The following TMEM132D variants were observed in gnomAD, a reference collection of about 807,000 sequenced individuals.
TMEM132D encodes mature OL transmembrane protein.
Under a neutral mutation model 62.3 loss-of-function variants are expected in TMEM132D, and 21 were observed. The ratio of observed to expected loss-of-function variants is 0.34; its 90% CI spans 0.24 to 0.49. TMEM132D has a LOEUF of 0.49. Ranked by LOEUF, TMEM132D falls within the 20% of genes least tolerant of loss-of-function variation. TMEM132D has a pLI of 0.99. For missense variants in TMEM132D, 1,346 were observed against 1,402.8 expected (o/e 0.96, Z 0.65); for synonymous variants, 621 against 575.6 (o/e 1.08, Z -1.13).
chr12:129,322,360 C>G (rs1235374956), intron 4 of TMEM132D, among the ~76,000 whole-genome samples: 5 of 152,238 alleles, frequency 3.3e-5, no homozygotes, highest in Admixed American at 3.3e-4. Context: ...TTCCACCAGC[C>G]TTAATTTTCT....
chr12:129,533,855 T>A (rs766340676), intron 2 of TMEM132D, among the ~76,000 whole-genome samples: 4 of 152,248 alleles, frequency 2.6e-5, no homozygotes, highest in Non-Finnish European at 5.9e-5. Flanking sequence ...GGGCATGTTT[T>A]AGATGTTCAG....
At chr12:129,790,274 G>C (rs1871366735) in intron 1 of TMEM132D, among the ~76,000 whole-genome samples, 1 of 152,216 alleles carries the variant, frequency 6.6e-6, no homozygotes, top group Admixed American at 6.5e-5. Flanking sequence ...GATGGCTTAA[G>C]TGTTAACAGC....
chr12:129,590,922 C>A (rs1004280671), intron 2 of TMEM132D, among the ~76,000 whole-genome samples: 3 of 152,178 alleles, frequency 2.0e-5, no homozygotes, highest in Non-Finnish European at 4.4e-5. Flanking sequence ...CAGCATCTGA[C>A]TTCATCTATG....
At chr12:129,343,299 C>T (rs970278234) in intron 3 of TMEM132D, among the ~76,000 whole-genome samples, 3 of 152,082 alleles carry the variant, frequency 2.0e-5, no homozygotes, top group Non-Finnish European at 2.9e-5. Flanking sequence ...AGCTGGAAAC[C>T]ATCATTCTCA....
At chr12:129,086,211 T>C (rs964262339) in intron 5 of TMEM132D, among the ~76,000 whole-genome samples, 8 of 152,088 alleles carry the variant, frequency 5.3e-5, no homozygotes, top group East Asian at 1.9e-4. Context: ...CGTGTGTGTG[T>C]GTGTGTGTGT....
chr12:129,560,346 C>A (rs1461061965), intron 2 of TMEM132D, among the ~76,000 whole-genome samples: 2 of 151,682 alleles, frequency 1.3e-5, no homozygotes, highest in East Asian at 3.9e-4. Flanking sequence ...CTCGGCTCAC[C>A]ACAACCTCCA....
intron 1 of TMEM132D, among the ~76,000 whole-genome samples, chr12:129,795,480 A>G (rs1186533725): frequency 6.6e-6 from 1 of 152,242 alleles, no homozygotes; most frequent in Non-Finnish European, 1.5e-5. Context: ...GACTCTGACA[A>G]AACAGTATTT....
intron 4 of TMEM132D, chr12:129,262,680 G>A (rs1046566845): frequency 1.3e-5 from 2 of 152,220 alleles, no homozygotes; most frequent in African/African-American, 2.4e-5. Context: ...CAAGTAAGAT[G>A]AGACTGTCTC....
chr12:129,460,913 A>G (rs1309003865), intron 3 of TMEM132D, among the ~76,000 whole-genome samples: 3 of 152,186 alleles, frequency 2.0e-5, no homozygotes, highest in Admixed American at 6.5e-5. Flanking sequence ...GAGACAGAGA[A>G]GCCAAAGTGC....
intron 3 of TMEM132D, among the ~76,000 whole-genome samples, chr12:129,341,645 T>C (rs897912167): frequency 6.6e-6 from 1 of 152,120 alleles, no homozygotes; most frequent in African/African-American, 2.4e-5. Flanking sequence ...GACTTGGGAG[T>C]GTCCAGATAT....
In TMEM132D at chr12:129,620,613, C is replaced by T. The variant is rs546738255; in HGVS notation, c.968+79197G>A. On this transcript the variant is annotated intron_variant, in intron 2 of 8. Transcript: ENST00000422113. ...GACCCTGTCTAAAGAAAATGTGGTACATATACACCATGGAATACTATGCAG... is the reference window on the plus strand; with the variant it reads ...GACCCTGTCTAAAGAAAATGTGGTATATATACACCATGGAATACTATGCAG... Among the ~76,000 whole-genome samples the T allele has an allele frequency of 1.3e-3, 194 of 152,208 alleles. 1 individual carries two copies. The highest frequency in any genetic ancestry group is 4.4e-3 in the African/African-American group (181 of 41,536).
At chr12:129,220,583 G>A (rs1334170210) in intron 4 of TMEM132D, among the ~76,000 whole-genome samples, 2 of 152,198 alleles carry the variant, frequency 1.3e-5, no homozygotes, top group Non-Finnish European at 1.5e-5. Context: ...CCATGGCCTC[G>A]TGTTCTCCTG....
At chr12:129,451,990 A>G (rs76985061) in intron 3 of TMEM132D, among the ~76,000 whole-genome samples, 10,338 of 152,252 alleles carry the variant, frequency 0.068, 1,128 homozygotes, top group African/African-American at 0.24. Flanking sequence ...CCATAGAGAC[A>G]TAAAGCCCAG....
chr12:129,502,497 A>G (rs1466577156), intron 3 of TMEM132D, among the ~76,000 whole-genome samples: 2 of 152,120 alleles, frequency 1.3e-5, no homozygotes, highest in African/African-American at 2.4e-5. Context: ...ACTCATGTAC[A>G]TGAAAAGTCT....
At chr12:129,810,785 A>G (rs1872149682) in intron 1 of TMEM132D, among the ~76,000 whole-genome samples, 1 of 152,226 alleles carries the variant, frequency 6.6e-6, no homozygotes, top group Non-Finnish European at 1.5e-5. Context: ...AAGAAAAAAC[A>G]TAATCTTGAA....
chr12:129,530,592 C>A (rs566795000), intron 3 of TMEM132D, among the ~76,000 whole-genome samples: 2 of 152,210 alleles, frequency 1.3e-5, no homozygotes, highest in Admixed American at 6.5e-5. Context: ...ACTGTACCAT[C>A]AGAAAATGCC....
rs117283592 is a variant in TMEM132D at position 129,849,212 on chromosome 12, T to C, written c.79+54049A>G. ...TCAGTAGTGGTCTAGTCATGTTTAA[T>C]CAATTTTCATTTCCCAAACCCAAGT... is the stretch of plus-strand genomic sequence containing the variant. On this transcript the variant is annotated intron_variant, in intron 1 of 8. Coordinates refer to ENST00000422113, the MANE Select transcript of TMEM132D (RefSeq NM_133448.3). Among the ~76,000 whole-genome samples the C allele has an allele frequency of 6.8e-3, 1,034 of 152,342 alleles. 7 individuals are homozygous for C. The highest frequency in any genetic ancestry group is 0.01 in the Middle Eastern group (3 of 294).
chr12:129,731,824 G>C (rs919724828), intron 1 of TMEM132D, among the ~76,000 whole-genome samples: 1 of 151,936 alleles, frequency 6.6e-6, no homozygotes, highest in Non-Finnish European at 1.5e-5. Flanking sequence ...CACCACGCCC[G>C]GCTAATTTTT....
chr12:129,864,858 G>A (rs974119594), intron 1 of TMEM132D, among the ~76,000 whole-genome samples: 9 of 152,128 alleles, frequency 5.9e-5, no homozygotes, highest in African/African-American at 1.2e-4. Context: ...TAGATAGTCC[G>A]TGTCCTCTGA....
Sources: allele counts gnomAD v4.1 joint callset (sites outside exome capture counted in the v4.1 genomes callset), GRCh38; gene constraint gnomAD v4.1.1; transcripts MANE v1.5; gene names NCBI Gene and HGNC (gene_info 2026-07-23, HGNC 2026-07-21).